DFFB: variants seen among roughly 807,000 people sequenced by gnomAD.
The protein encoded by DFFB is DNA fragmentation factor 40 kDa subunit.
Under a neutral mutation model 32.7 loss-of-function variants are expected in DFFB, and 29 were observed. That is an observed-to-expected ratio of 0.89 (90% CI 0.66 to 1.21). The LOEUF (loss-of-function observed/expected upper bound fraction) is 1.21. Ranked by LOEUF, DFFB falls within the 50% of genes most tolerant of loss-of-function variation. The pLI, the probability that DFFB is intolerant of heterozygous loss-of-function variation, is 0.00. For synonymous variants in DFFB, 170 were observed against 177.1 expected (o/e 0.96, Z 0.32); for missense variants, 398 against 440.6 (o/e 0.90, Z 0.87).
At chr1:3,875,661 C>T (rs538383420) in intron 6 of DFFB, among the ~76,000 whole-genome samples, 1 of 152,322 alleles carries the variant, frequency 6.6e-6, no homozygotes, top group East Asian at 1.9e-4. Context: ...TCTGTGGCCG[C>T]TTGTGTCTTC....
At chr1:3,861,334 A>G (rs567688402) in intron 2 of DFFB, among the ~76,000 whole-genome samples, 9 of 152,132 alleles carry the variant, frequency 5.9e-5, no homozygotes, top group African/African-American at 1.4e-4. Flanking sequence ...AGTTTGTTCA[A>G]CCATTCGCCT....
intron 3 of DFFB, chr1:3,866,294 A>G (rs1313973500): frequency 2.1e-6 from 1 of 478,638 alleles, no homozygotes; most frequent in Non-Finnish European, 4.0e-6. Context: ...GCTGGAGTGC[A>G]GTGGCGTGAT....
chr1:3,860,419 G>A (rs1436200069), intron 2 of DFFB: 1 of 441,496 alleles, frequency 2.3e-6, no homozygotes, highest in South Asian at 1.6e-5. Flanking sequence ...TGTAGAGATA[G>A]GGTTTCGCCA....
At chr1:3,861,815 T>C (rs1644886114) in intron 2 of DFFB, among the ~76,000 whole-genome samples, 1 of 152,220 alleles carries the variant, frequency 6.6e-6, no homozygotes, top group Non-Finnish European at 1.5e-5. Context: ...GGTGTGTGTT[T>C]AGTTTCTGAA....
chr1:3,864,851 A>G (rs1055432339), intron 2 of DFFB, among the ~76,000 whole-genome samples: 2 of 152,210 alleles, frequency 1.3e-5, no homozygotes, highest in South Asian at 2.1e-4. Context: ...GCCCAGCCCT[A>G]AATATCTTCT....
Position 3,857,724 on chromosome 1 carries a change from G to T in DFFB, c.114+7G>T. On this transcript the variant is annotated splice_region_variant and intron_variant, in intron 1 of 6. Transcript: ENST00000378209. ...GGGCTGTCTCCGCTTCCAGGTGCCCGCTGGGCTAGGCGGGGACGGCCCGTC... is the reference window on the plus strand; with the variant it reads ...GGGCTGTCTCCGCTTCCAGGTGCCCTCTGGGCTAGGCGGGGACGGCCCGTC... 1 of 1,504,876 alleles carries T rather than the reference G, an allele frequency of 6.6e-7. No homozygotes were observed. Among genetic ancestry groups the T allele is most frequent in the Non-Finnish European group, 8.9e-7 (1 of 1,123,692 alleles). The allele number at this position is 1,504,876 out of a possible 1,614,324, so 93.2% of individuals were successfully genotyped here.
At chr1:3,877,782 A>T (rs927215628) in intron 6 of DFFB, among the ~76,000 whole-genome samples, 1 of 151,912 alleles carries the variant, frequency 6.6e-6, no homozygotes, top group Non-Finnish European at 1.5e-5. Context: ...TTTCCTTGTA[A>T]CTGGTCAGCG....
intron 2 of DFFB, among the ~76,000 whole-genome samples, chr1:3,862,177 A>G (rs1042168088): frequency 2.0e-5 from 3 of 152,262 alleles, no homozygotes; most frequent in African/African-American, 4.8e-5. Flanking sequence ...TAATACTTAT[A>G]TTCTGAAAAC....
At chr1:3,872,870 G>A (rs377385367) in intron 6 of DFFB, 132 of 1,200,516 alleles carry the variant, frequency 1.1e-4, no homozygotes, top group East Asian at 5.8e-4. Context: ...GGTGGGCAGC[G>A]TCCTTCCCCA....
intron 2 of DFFB, among the ~76,000 whole-genome samples, chr1:3,862,714 G>T (rs1644901348): frequency 6.6e-6 from 1 of 152,130 alleles, no homozygotes; most frequent in South Asian, 2.1e-4. Flanking sequence ...AGACCTAAAT[G>T]TAAAAGTTAA....
chr1:3,872,513 C>T lies in DFFB; in HGVS notation c.723C>T (p.Ile241=), dbSNP rs1173724603. 1.2e-5 allele frequency: 20 copies of T among 1,614,032 alleles called. No homozygotes were observed. The Admixed American group carries it at 3.3e-4, about 27-fold the overall frequency. The change falls in exon 6 of 7, where the codon ATC becomes ATT. Residue 241 remains isoleucine, a synonymous_variant. Transcript: ENST00000378209. ...DMDSCLSRHS[I]NPYSNRESRI... ...ACAGCTGCTTATCAAGACACTCCAT[C>T]AACCCCTACAGTAACAGGGAGAGCA...
chr1:3,883,817 T>G lies in DFFB; in HGVS notation c.*76T>G, dbSNP rs1386672064. On this transcript the variant is annotated 3_prime_UTR_variant, in exon 7 of 7. Coordinates refer to ENST00000378209, the MANE Select transcript of DFFB (RefSeq NM_004402.4). ...TTTTAACAGGTGCCTTTTTTGTTTTTTTGTTTTTCGTTTTTTTGGTCACTC... is the reference window on the plus strand; with the variant it reads ...TTTTAACAGGTGCCTTTTTTGTTTTGTTGTTTTTCGTTTTTTTGGTCACTC... The G allele has an allele frequency of 2.9e-6, 4 of 1,401,828 alleles. No individual in the cohort carries two copies. Among genetic ancestry groups the G allele is most frequent in the Non-Finnish European group, 3.9e-6 (4 of 1,013,512 alleles). 86.8% of individuals were successfully genotyped at this position (1,401,828 alleles called of 1,614,324 possible).
At chr1:3,869,365 A>G (rs770746170) in intron 4 of DFFB, among the ~76,000 whole-genome samples, 18 of 152,164 alleles carry the variant, frequency 1.2e-4, no homozygotes, top group Non-Finnish European at 2.2e-4. Flanking sequence ...CCAGCCTGTT[A>G]TCTCATCTAA....
At chr1:3,867,053 G>A (rs576630985) in intron 3 of DFFB, among the ~76,000 whole-genome samples, 5 of 152,188 alleles carry the variant, frequency 3.3e-5, no homozygotes, top group African/African-American at 9.6e-5. Flanking sequence ...CTGCCACCAC[G>A]CCTGGCTAAT....
intron 5 of DFFB, among the ~76,000 whole-genome samples, chr1:3,871,641 G>GC (rs1645114733): frequency 6.6e-6 from 1 of 152,216 alleles, no homozygotes; most frequent in South Asian, 2.1e-4. Flanking sequence ...GCAGGGACCA[G>GC]CCCCCACGGG....
At chr1:3,875,879 C>G (rs1468503442) in intron 6 of DFFB, among the ~76,000 whole-genome samples, 1 of 152,250 alleles carries the variant, frequency 6.6e-6, no homozygotes, top group Middle Eastern at 3.4e-3. Flanking sequence ...TAGATTCAAG[C>G]GATTCTTCTG....
At chr1:3,873,949 A>G (rs943168479) in intron 6 of DFFB, among the ~76,000 whole-genome samples, 2 of 152,138 alleles carry the variant, frequency 1.3e-5, no homozygotes, top group Admixed American at 1.3e-4. Context: ...GTAAAACACT[A>G]TGGTCATAGT....
In DFFB at chr1:3,865,665, A is replaced by G; in HGVS notation, c.242-147A>G. 7.7e-7 allele frequency: 1 copy of G among 1,290,788 alleles called. No homozygotes were observed. The highest frequency in any genetic ancestry group is 1.1e-6 in the Non-Finnish European group (1 of 887,996). 80.0% of individuals were successfully genotyped at this position (1,290,788 alleles called of 1,614,324 possible). On this transcript the variant is annotated intron_variant, in intron 2 of 6. Transcript: ENST00000378209. The surrounding 1 kb of genome is among the most constrained non-coding windows in gnomAD (Gnocchi z 4.7). ...CAGCTGTTGGTGTCAGGGCAAGGAC[A>G]AAGACCCGGGACACCTCAAGTCTGA...
At chr1:3,863,588 G>A (rs1358557341) in intron 2 of DFFB, among the ~76,000 whole-genome samples, 2 of 152,166 alleles carry the variant, frequency 1.3e-5, no homozygotes, top group Non-Finnish European at 2.9e-5. Context: ...ATTCATAATA[G>A]CCAAAAGGTA....
Sources: allele counts gnomAD v4.1 joint callset (sites outside exome capture counted in the v4.1 genomes callset), GRCh38; gene constraint gnomAD v4.1.1; non-coding constraint Gnocchi (gnomAD v3.1); transcripts MANE v1.5; gene names NCBI Gene and HGNC (gene_info 2026-07-23, HGNC 2026-07-21).